TMEM62: variants seen among roughly 807,000 people sequenced by gnomAD.
The protein encoded by TMEM62 is transmembrane protein 62.
Under a neutral mutation model 70.4 loss-of-function variants are expected in TMEM62, and 41 were observed. The ratio of observed to expected loss-of-function variants is 0.58; its 90% CI spans 0.45 to 0.76. The LOEUF (loss-of-function observed/expected upper bound fraction) is 0.76. Among genes scored for constraint, TMEM62 ranks in the 30% least tolerant of loss-of-function variants. The pLI, the probability that TMEM62 is intolerant of heterozygous loss-of-function variation, is 0.00. For synonymous variants in TMEM62, 268 were observed against 291.0 expected (o/e 0.92, Z 0.80); for missense variants, 688 against 788.5 (o/e 0.87, Z 1.53).
At chr15:43,157,914 A>G (rs538889163) in intron 9 of TMEM62, among the ~76,000 whole-genome samples, 1 of 152,316 alleles carries the variant, frequency 6.6e-6, no homozygotes, top group East Asian at 1.9e-4. Flanking sequence ...TCGGAATTCA[A>G]TCAAGGCTCT....
At position 43,151,885 on chromosome 15, in the gene TMEM62, T is replaced by G; in HGVS notation, c.962T>G (p.Leu321Arg). 1 of 1,613,686 alleles carries G rather than the reference T, an allele frequency of 6.2e-7. No homozygotes were observed. Among genetic ancestry groups the G allele is most frequent in the South Asian group, 1.1e-5 (1 of 91,058 alleles). The change falls in exon 8 of 14, where the codon CTC becomes CGC. Residue 321 changes from leucine (L) to arginine (R), a missense_variant. Leu to Arg is a moderately radical substitution (Grantham distance 102). Coordinates refer to ENST00000260403, the MANE Select transcript of TMEM62 (RefSeq NM_024956.4). The stretch of plus-strand genomic sequence containing the variant: ...GTTCTTATCACCAATCCTAAATCAC[T>G]CCTTTATAGTTGTGGTGAACATGAA... ...PVVLITNPKS[L>R]LYSCGEHEPL...
intron 9 of TMEM62, among the ~76,000 whole-genome samples, chr15:43,157,795 G>A (rs1329680990): frequency 2.0e-5 from 3 of 152,090 alleles, no homozygotes; most frequent in Non-Finnish European, 4.4e-5. Flanking sequence ...CAGTAGTTCC[G>A]TAATATCGAA....
At chr15:43,178,024 A>G (rs935741702) in intron 11 of TMEM62, among the ~76,000 whole-genome samples, 1 of 152,072 alleles carries the variant, frequency 6.6e-6, no homozygotes, top group African/African-American at 2.4e-5. Flanking sequence ...AAAGAACTGT[A>G]TAATGTATAG....
chr15:43,148,963 A>G (rs2037025291), intron 6 of TMEM62, 66 bp from the exon 7 acceptor site: 3 of 1,602,658 alleles, frequency 1.9e-6, no homozygotes, highest in Middle Eastern at 1.7e-4. Flanking sequence ...CTGGCAAGAC[A>G]TTTTTATTAG....
chr15:43,167,784 C>G (rs1165344037), intron 10 of TMEM62, among the ~76,000 whole-genome samples: 1 of 152,078 alleles, frequency 6.6e-6, no homozygotes, highest in African/African-American at 2.4e-5. Flanking sequence ...GCTGGGAGGT[C>G]GAGGTTGTAG....
chr15:43,134,326 G>C lies in TMEM62; in HGVS notation c.250G>C (p.Glu84Gln). Reference protein sequence around the residue: ...RAVDLEKFCSETIDIIQPALV... With the variant: ...RAVDLEKFCSQTIDIIQPALV... The stretch of plus-strand genomic sequence containing the variant: ...GGTAGACTTAGAGAAATTCTGTTCT[G>C]AAACTATTGACATCATTCAACCAGC... The change falls in exon 2 of 14, where the codon GAA becomes CAA. Residue 84 changes from glutamate (E) to glutamine (Q), a missense_variant. Transcript: ENST00000260403. The C allele has an allele frequency of 6.2e-7, 1 of 1,614,166 alleles. No individual in the cohort carries two copies. The highest frequency in any genetic ancestry group is 8.5e-7 in the Non-Finnish European group (1 of 1,180,020).
At chr15:43,184,154 C>T (rs914887922) in intron 13 of TMEM62, 106 bp from the exon 14 acceptor site, 51 of 1,034,464 alleles carry the variant, frequency 4.9e-5, no homozygotes, top group Non-Finnish European at 6.8e-5. Flanking sequence ...AATTAGCTAA[C>T]GCCAAGACAG....
chr15:43,159,097 A>T (rs903720035), intron 9 of TMEM62, among the ~76,000 whole-genome samples: 1 of 152,096 alleles, frequency 6.6e-6, no homozygotes, highest in African/African-American at 2.4e-5. Flanking sequence ...AATTTTTTTT[A>T]AAGTTTTACT....
chr15:43,142,814 C>T (rs1055322719), intron 4 of TMEM62, among the ~76,000 whole-genome samples: 1 of 151,696 alleles, frequency 6.6e-6, no homozygotes, highest in Middle Eastern at 3.4e-3. Flanking sequence ...GGACCACAGG[C>T]GTGAGCCACC....
At chr15:43,179,685 C>G (rs1190596471) in intron 12 of TMEM62, 1 of 152,196 alleles carries the variant, frequency 6.6e-6, no homozygotes, top group African/African-American at 2.4e-5. Context: ...TTCTTAGTGA[C>G]TAAAAGTCAA....
chr15:43,160,819 C>T, intron 10 of TMEM62, 25 bp downstream of exon 10: 5 of 1,366,262 alleles, frequency 3.7e-6, no homozygotes, highest in Non-Finnish European at 5.2e-6. Context: ...TTAAATATTA[C>T]ATATGTTAAA....
chr15:43,184,330 A>G lies in TMEM62; in HGVS notation c.1676A>G (p.Asn559Ser). 6.2e-7 allele frequency: 1 copy of G among 1,614,214 alleles called. No individual in the cohort carries two copies. The highest frequency in any genetic ancestry group is 8.5e-7 in the Non-Finnish European group (1 of 1,180,044). Residue 559 changes from asparagine to serine, a missense_variant, in exon 14 of 14, where the codon AAC becomes AGC. Transcript: ENST00000260403. ...WSLLQRCFGH[N>S]FRSHLHQRKY... Reference sequence around the variant, plus strand: ...TTGCTGCAGCGGTGCTTTGGTCACAACTTCAGGTCTCATCTCCATCAAAGA... The same window carrying G: ...TTGCTGCAGCGGTGCTTTGGTCACAGCTTCAGGTCTCATCTCCATCAAAGA...
intron 5 of TMEM62, among the ~76,000 whole-genome samples, chr15:43,147,463 C>T (rs2036817539): frequency 6.6e-6 from 1 of 152,066 alleles, no homozygotes; most frequent in Admixed American, 6.5e-5. Flanking sequence ...CATATGTGCT[C>T]ATATGAAAGA....
At chr15:43,161,645 G>A (rs1159114001) in intron 10 of TMEM62, among the ~76,000 whole-genome samples, 1 of 151,792 alleles carries the variant, frequency 6.6e-6, no homozygotes, top group Non-Finnish European at 1.5e-5. Context: ...TATGTATTTT[G>A]TTTGTTTGCT....
chr15:43,135,252 A>C (rs1287111609), intron 2 of TMEM62, among the ~76,000 whole-genome samples: 2 of 152,170 alleles, frequency 1.3e-5, no homozygotes, highest in Non-Finnish European at 2.9e-5. Context: ...GTTCTCTTTA[A>C]AGATTTTTTT....
At position 43,185,123 on chromosome 15, in the gene TMEM62, T is replaced by A. The variant is rs1029753642; in HGVS notation, c.*537T>A. On this transcript the variant is annotated 3_prime_UTR_variant, in exon 14 of 14. Transcript: ENST00000260403. ...AAGTGTTTTCAACTAATCAAATAAATGAATGAATGATGAATAAGAAAGACG... is the reference window on the plus strand; with the variant it reads ...AAGTGTTTTCAACTAATCAAATAAAAGAATGAATGATGAATAAGAAAGACG... 42 of 316,938 alleles carry A rather than the reference T, an allele frequency of 1.3e-4. No homozygotes were observed. The highest frequency in any genetic ancestry group is 9.3e-4 in the African/African-American group (42 of 45,052). The allele number at this position is 316,938 out of a possible 1,614,324, so 19.6% of individuals were successfully genotyped here.
At chr15:43,155,935 A>G (rs1216918865) in intron 9 of TMEM62, among the ~76,000 whole-genome samples, 2 of 152,110 alleles carry the variant, frequency 1.3e-5, no homozygotes, top group Non-Finnish European at 2.9e-5. Context: ...CATTTAATTT[A>G]TTAGCACCTG....
chr15:43,135,616 A>G lies in TMEM62; in HGVS notation c.397A>G (p.Lys133Glu). The change falls in exon 3 of 14, where the codon AAA becomes GAA. Residue 133 changes from lysine to glutamate, a missense_variant. Transcript: ENST00000260403. ...TCTGAAGAAGACAAGAGTCATGGAA[A>G]AAACCAAGTGGCTGGATATCAAAGG... ...GILKKTRVMEKTKWLDIKGNH... is the reference protein window; with the variant it reads ...GILKKTRVMEETKWLDIKGNH... The G allele has an allele frequency of 6.2e-7, 1 of 1,603,464 alleles. No homozygotes were observed. Among genetic ancestry groups the G allele is most frequent in the Non-Finnish European group, 8.5e-7 (1 of 1,177,694 alleles).
intron 3 of TMEM62, among the ~76,000 whole-genome samples, chr15:43,136,145 G>A (rs569569069): frequency 3.3e-5 from 5 of 152,152 alleles, no homozygotes; most frequent in Admixed American, 2.0e-4. Context: ...AGGCAAACCC[G>A]TAAGTCTGCA....
Sources: allele counts gnomAD v4.1 joint callset (sites outside exome capture counted in the v4.1 genomes callset), GRCh38; gene constraint gnomAD v4.1.1; transcripts MANE v1.5; gene names NCBI Gene and HGNC (gene_info 2026-07-23, HGNC 2026-07-21).